Variants in MAML3 observed in about 807,000 individuals in gnomAD.
MAML3 encodes the protein mastermind like transcriptional coactivator 3.
MAML3 carries 27 observed loss-of-function variants against 101.9 expected under a neutral mutation model. That is an observed-to-expected ratio of 0.27 (90% CI 0.20 to 0.37). The LOEUF (loss-of-function observed/expected upper bound fraction) is 0.37. Among genes scored for constraint, MAML3 ranks in the 10% least tolerant of loss-of-function variants. The pLI, the probability that MAML3 is intolerant of heterozygous loss-of-function variation, is 1.00. For missense variants in MAML3, 1,316 were observed against 1,444.9 expected (o/e 0.91, Z 1.45); for synonymous variants, 501 against 555.9 (o/e 0.90, Z 1.39).
At position 140,030,366 on chromosome 4, in the gene MAML3, C is replaced by T. The variant is rs149547897; in HGVS notation, c.468+122494G>A. ...CACTAGCTTTGGCAGGGGGCCTGCC[C>T]TAAATTGTTCAACACTTACCAGGGG... is the stretch of plus-strand genomic sequence containing the variant. On this transcript the variant is annotated intron_variant, in intron 1 of 4. Transcript: ENST00000509479. Among the ~76,000 whole-genome samples, 759 of 152,328 alleles carry T rather than the reference C, an allele frequency of 5.0e-3. 11 individuals carry two copies. The highest frequency in any genetic ancestry group is 0.018 in the African/African-American group (748 of 41,560).
chr4:139,862,416 C>T (rs945666293), intron 2 of MAML3, among the ~76,000 whole-genome samples: 15 of 152,130 alleles, frequency 9.9e-5, no homozygotes, highest in Non-Finnish European at 2.1e-4. Context: ...TAACTGCCTC[C>T]CCAACTCCAA....
At chr4:139,838,262 G>A (rs972301994) in intron 2 of MAML3, among the ~76,000 whole-genome samples, 1 of 152,182 alleles carries the variant, frequency 6.6e-6, no homozygotes, top group African/African-American at 2.4e-5. Context: ...TAGCATGTAA[G>A]TGGATCTACA....
At chr4:139,773,590 C>A (rs1203650399) in intron 2 of MAML3, among the ~76,000 whole-genome samples, 4 of 152,242 alleles carry the variant, frequency 2.6e-5, no homozygotes, top group African/African-American at 9.6e-5. Flanking sequence ...TAGCAGTGAG[C>A]ACATTACCAA....
At chr4:139,745,196 T>C (rs1560780048) in intron 2 of MAML3, among the ~76,000 whole-genome samples, 2 of 152,020 alleles carry the variant, frequency 1.3e-5, no homozygotes, top group African/African-American at 4.8e-5. Context: ...AGTTGGGGTG[T>C]TTGCTGGGAT....
intron 2 of MAML3, among the ~76,000 whole-genome samples, chr4:139,840,716 G>A (rs1215396958): frequency 1.3e-5 from 2 of 152,244 alleles, no homozygotes; most frequent in Non-Finnish European, 2.9e-5. Flanking sequence ...CTAAGAAGCT[G>A]TGACAGGGCG....
At chr4:139,939,568 T>G (rs986290432) in intron 1 of MAML3, among the ~76,000 whole-genome samples, 3 of 152,172 alleles carry the variant, frequency 2.0e-5, no homozygotes, top group African/African-American at 7.2e-5. Context: ...GGGTCTTTGC[T>G]GTTAAAATTT....
intron 2 of MAML3, among the ~76,000 whole-genome samples, chr4:139,875,684 G>A (rs577463960): frequency 2.6e-5 from 4 of 151,978 alleles, no homozygotes; most frequent in Non-Finnish European, 4.4e-5. Flanking sequence ...GAATAAGGGC[G>A]TTCCTTTCCC....
chr4:139,852,020 C>G (rs62322640), intron 2 of MAML3, among the ~76,000 whole-genome samples: 1 of 152,200 alleles, frequency 6.6e-6, no homozygotes, highest in Admixed American at 6.5e-5. Flanking sequence ...TTGAGCAGGA[C>G]TGGCACCTTA....
intron 1 of MAML3, among the ~76,000 whole-genome samples, chr4:140,005,437 T>A (rs1726428342): frequency 6.6e-6 from 1 of 152,226 alleles, no homozygotes. Context: ...CAGGACTAGA[T>A]CTGTTTAAAA....
At chr4:139,999,544 C>A (rs536424179) in intron 1 of MAML3, among the ~76,000 whole-genome samples, 1 of 152,256 alleles carries the variant, frequency 6.6e-6, no homozygotes, top group African/African-American at 2.4e-5. Context: ...TTTTGTCCAG[C>A]CTTATATTTG....
At chr4:139,766,639 T>C (rs1296790557) in intron 2 of MAML3, among the ~76,000 whole-genome samples, 2 of 152,212 alleles carry the variant, frequency 1.3e-5, no homozygotes, top group African/African-American at 2.4e-5. Flanking sequence ...AGCAATAGAA[T>C]GGACAACGGC....
In MAML3 at chr4:140,153,498, G is replaced by A; in HGVS notation, c.-171C>T. On this transcript the variant is annotated 5_prime_UTR_variant, in exon 1 of 5. Transcript: ENST00000509479. ...CGAAAAAAACGGGGGGGGAGATTTTGGGGTGGTTTTTGTTTCCTTTTTTTA... is the reference window on the plus strand; with the variant it reads ...CGAAAAAAACGGGGGGGGAGATTTTAGGGTGGTTTTTGTTTCCTTTTTTTA... 1 of 735,224 alleles carries A rather than the reference G, an allele frequency of 1.4e-6. No homozygotes were observed. The highest frequency in any genetic ancestry group is 2.3e-5 in the South Asian group (1 of 42,732). The allele number at this position is 735,224 out of a possible 1,614,324, so 45.5% of individuals were successfully genotyped here.
In MAML3 at chr4:139,719,884, A is replaced by G; in HGVS notation, c.2856T>C (p.Leu952=). The G allele has an allele frequency of 6.2e-7, 1 of 1,613,918 alleles. No homozygotes were observed. Residue 952 remains leucine (L), a synonymous_variant, in exon 5 of 5, where the codon CTT becomes CTC. Transcript: ENST00000509479. ...RPQAPPRLQS[L]MGTVQQGAQS... ...GTGCTCCTTGCTGGACTGTTCCCAT[A>G]AGGCTCTGCAGCCTTGGAGGGGCTT...
At chr4:140,084,560 T>C (rs1488208063) in intron 1 of MAML3, among the ~76,000 whole-genome samples, 1 of 152,154 alleles carries the variant, frequency 6.6e-6, no homozygotes, top group Admixed American at 6.5e-5. Context: ...TGTATCTGAG[T>C]ATTTATGTCT....
At chr4:139,854,724 G>C (rs1221840742) in intron 2 of MAML3, among the ~76,000 whole-genome samples, 1 of 152,192 alleles carries the variant, frequency 6.6e-6, no homozygotes, top group Non-Finnish European at 1.5e-5. Flanking sequence ...CCGTGCCCAA[G>C]ATCACTTACA....
intron 1 of MAML3, among the ~76,000 whole-genome samples, chr4:139,931,151 C>A (rs1733385831): frequency 6.6e-6 from 1 of 152,188 alleles, no homozygotes; most frequent in East Asian, 1.9e-4. Flanking sequence ...AAATGCAGGG[C>A]CCCTTGATCA....
chr4:140,007,909 T>A (rs1036853512), intron 1 of MAML3, among the ~76,000 whole-genome samples: 4 of 152,222 alleles, frequency 2.6e-5, no homozygotes, highest in African/African-American at 9.6e-5. Flanking sequence ...CACAGTCATT[T>A]ATTTGGCTCT....
At chr4:139,922,029 C>T (rs1451243777) in intron 1 of MAML3, among the ~76,000 whole-genome samples, 2 of 152,204 alleles carry the variant, frequency 1.3e-5, no homozygotes, top group Middle Eastern at 3.4e-3. Flanking sequence ...CTCAGCATCA[C>T]GTGGAGGACA....
intron 2 of MAML3, among the ~76,000 whole-genome samples, chr4:139,845,777 G>C (rs779520057): frequency 1.3e-5 from 2 of 152,164 alleles, no homozygotes; most frequent in Non-Finnish European, 2.9e-5. Context: ...CCTTATACCT[G>C]ATATTATGAT....
Sources: allele counts gnomAD v4.1 joint callset (sites outside exome capture counted in the v4.1 genomes callset), GRCh38; gene constraint gnomAD v4.1.1; transcripts MANE v1.5; gene names NCBI Gene and HGNC (gene_info 2026-07-23, HGNC 2026-07-21).